The following MGAT4C variants were observed in gnomAD, a reference collection of about 807,000 sequenced individuals.
The protein encoded by MGAT4C is alpha-1,3-mannosyl-glycoprotein 4-beta-N-acetylglucosaminyltransferase C.
In MGAT4C, 19 loss-of-function variants were observed where a neutral mutation model predicts 40.1. The observed-to-expected ratio is 0.47, with a 90% CI of 0.33 to 0.70. The LOEUF (loss-of-function observed/expected upper bound fraction) is 0.70, where lower values mean the gene tolerates loss of function less well. Among genes scored for constraint, MGAT4C ranks in the 30% least tolerant of loss-of-function variants. The pLI, the probability that MGAT4C is intolerant of heterozygous loss-of-function variation, is 0.02. For missense variants in MGAT4C, 491 were observed against 563.2 expected, an observed-to-expected ratio of 0.87 and a Z score of 1.30; for synonymous variants, 181 against 187.1, an observed-to-expected ratio of 0.97 and a Z score of 0.27.
At chr12:86,427,512 A>C (rs1331245373) in intron 3 of MGAT4C, among the ~76,000 whole-genome samples, 1 of 152,056 alleles carries the variant, frequency 6.6e-6, no homozygotes, top group Non-Finnish European at 1.5e-5. Flanking sequence ...CACCTTACAC[A>C]CACACAGACA....
intron 1 of MGAT4C, among the ~76,000 whole-genome samples, chr12:86,767,046 C>CA (rs1391070735): frequency 2.6e-5 from 4 of 151,926 alleles, no homozygotes; most frequent in African/African-American, 4.8e-5. Flanking sequence ...AATAAAGACA[C>CA]AAAAAACCCT....
intron 1 of MGAT4C, among the ~76,000 whole-genome samples, chr12:86,128,062 T>C (rs1172347051): frequency 1.3e-5 from 2 of 152,206 alleles, no homozygotes; most frequent in Non-Finnish European, 2.9e-5. Flanking sequence ...TGCTATATTT[T>C]CAAATGACAG....
intron 2 of MGAT4C, among the ~76,000 whole-genome samples, chr12:86,514,905 A>G (rs182889509): frequency 1.3e-5 from 2 of 152,346 alleles, no homozygotes; most frequent in East Asian, 3.9e-4. Context: ...TGGTGCTGAA[A>G]GATTATCAAC....
intron 4 of MGAT4C, among the ~76,000 whole-genome samples, chr12:85,982,495 T>C (rs774320339): frequency 1.3e-5 from 2 of 152,160 alleles, no homozygotes; most frequent in Admixed American, 6.5e-5. Flanking sequence ...AGCCTAAGAT[T>C]TATATTTTAC....
intron 2 of MGAT4C, among the ~76,000 whole-genome samples, chr12:86,625,337 A>C (rs1020101692): frequency 1.3e-5 from 2 of 152,164 alleles, no homozygotes; most frequent in African/African-American, 4.8e-5. Context: ...GTGACAATGG[A>C]CTAATACACT....
intron 2 of MGAT4C, among the ~76,000 whole-genome samples, chr12:86,038,608 T>G (rs1216044846): frequency 6.7e-6 from 1 of 149,618 alleles, no homozygotes; most frequent in Non-Finnish European, 1.5e-5. Context: ...CTCCATCCCT[T>G]TATTTTGAGC....
chr12:86,598,865 C>T (rs1170727625), intron 2 of MGAT4C, among the ~76,000 whole-genome samples: 1 of 152,086 alleles, frequency 6.6e-6, no homozygotes, highest in African/African-American at 2.4e-5. Context: ...CACATATATT[C>T]ACATAGTAAA....
At position 86,175,734 on chromosome 12, in the gene MGAT4C, G is replaced by C. The variant is rs192010661; in HGVS notation, c.-57+80505C>G. On this transcript the variant is annotated intron_variant, in intron 1 of 4. Transcript: ENST00000611864. The stretch of plus-strand genomic sequence containing the variant: ...TGGGAGGCCGAGGCGGGCGGATCAC[G>C]AGGTTAGGAGATTGAGACCATCCTG... Among the ~76,000 whole-genome samples, 2 of 142,250 alleles carry C rather than the reference G, an allele frequency of 1.4e-5. 1 individual carries two copies. Among genetic ancestry groups the C allele is most frequent in the South Asian group, 4.4e-4 (2 of 4,556 alleles). 93.3% of individuals were successfully genotyped at this position (142,250 alleles called of 152,430 possible). A position where few individuals can be genotyped will look rare whatever the true frequency, so the allele number is the denominator to read the frequency against.
chr12:86,748,266 T>C (rs1420606536), intron 1 of MGAT4C, among the ~76,000 whole-genome samples: 1 of 151,594 alleles, frequency 6.6e-6, no homozygotes, highest in Admixed American at 6.6e-5. Context: ...ATATTGGCAA[T>C]GAGAACTGTA....
intron 1 of MGAT4C, among the ~76,000 whole-genome samples, chr12:86,754,599 T>G (rs962097500): frequency 6.6e-6 from 1 of 152,078 alleles, no homozygotes; most frequent in Non-Finnish European, 1.5e-5. Flanking sequence ...AGAAGAGATA[T>G]TTTTCCCTGA....
At chr12:86,019,555 A>G (rs1184415565) in intron 2 of MGAT4C, among the ~76,000 whole-genome samples, 1 of 152,094 alleles carries the variant, frequency 6.6e-6, no homozygotes, top group Non-Finnish European at 1.5e-5. Flanking sequence ...TTTCCACCTT[A>G]ATGTTAAGAC....
At chr12:86,029,902 G>T (rs1890585792) in intron 2 of MGAT4C, among the ~76,000 whole-genome samples, 1 of 151,770 alleles carries the variant, frequency 6.6e-6, no homozygotes, top group African/African-American at 2.4e-5. Context: ...AACCATATTT[G>T]GAGGGACAGT....
intron 1 of MGAT4C, among the ~76,000 whole-genome samples, chr12:86,107,095 G>T (rs1010784626): frequency 1.3e-5 from 2 of 152,074 alleles, no homozygotes; most frequent in African/African-American, 2.4e-5. Context: ...CTAAAAAAAA[G>T]CTTTTATACT....
chr12:86,293,330 C>T (rs1015334843), intron 4 of MGAT4C, among the ~76,000 whole-genome samples: 5 of 152,036 alleles, frequency 3.3e-5, no homozygotes, highest in Non-Finnish European at 7.4e-5. Flanking sequence ...CCTTTTTCTA[C>T]CAAATATTGC....
chr12:86,513,472 G>A (rs989642135), intron 2 of MGAT4C, among the ~76,000 whole-genome samples: 1 of 152,156 alleles, frequency 6.6e-6, no homozygotes, highest in Admixed American at 6.5e-5. Flanking sequence ...TAATAAGTTA[G>A]CCTGCTGTAG....
At position 86,524,427 on chromosome 12, in the gene MGAT4C, C is replaced by T. The variant is rs75291239; in HGVS notation, c.-228-89162G>A. 3.3e-3 allele frequency among the ~76,000 whole-genome samples: 508 copies of T among 151,990 alleles called. 1 individual carries two copies. Among genetic ancestry groups the T allele is most frequent in the African/African-American group, 0.012 (491 of 41,510 alleles). Reference sequence around the variant, plus strand: ...ATGTTGAATATTGGCCCCCAATCTACTCTGGCTACTGTTAGTCTGATGAGC... The same window carrying T: ...ATGTTGAATATTGGCCCCCAATCTATTCTGGCTACTGTTAGTCTGATGAGC... On this transcript the variant is annotated intron_variant, in intron 2 of 7. Coordinates refer to the MGAT4C transcript ENST00000548651.
intron 1 of MGAT4C, among the ~76,000 whole-genome samples, chr12:86,785,778 GTATAA>G (rs1951920721): frequency 6.6e-6 from 1 of 151,178 alleles, no homozygotes; most frequent in African/African-American, 2.4e-5. Context: ...ATGTGTATAT[GTATAA>G]TATAATGTAA....
At chr12:86,167,194 G>A (rs1208178183) in intron 1 of MGAT4C, among the ~76,000 whole-genome samples, 3 of 152,126 alleles carry the variant, frequency 2.0e-5, no homozygotes, top group African/African-American at 7.2e-5. Flanking sequence ...CAAGTTTGGT[G>A]TTGAAAAACA....
chr12:86,750,293 A>G (rs925142659), intron 1 of MGAT4C, among the ~76,000 whole-genome samples: 2 of 151,896 alleles, frequency 1.3e-5, no homozygotes, highest in African/African-American at 4.8e-5. Flanking sequence ...AAGTCCCTAC[A>G]TAGATGAGGC....
Sources: allele counts gnomAD v4.1 joint callset (sites outside exome capture counted in the v4.1 genomes callset), GRCh38; gene constraint gnomAD v4.1.1; transcripts MANE v1.5; gene names NCBI Gene and HGNC (gene_info 2026-07-23, HGNC 2026-07-21).